The following HEMK2 variants were observed in gnomAD, a reference collection of about 807,000 sequenced individuals.
HEMK2 encodes HemK methyltransferase 2, ETF1 glutamine and histone H4 lysine.
At chr21:28,881,625 A>ATTT in the HEMK2 span, among the ~76,000 whole-genome samples, 16 of 100,794 alleles carry the variant, frequency 1.6e-4, no homozygotes, top group South Asian at 3.6e-4. Context: ...GAAGCCATCA[A>ATTT]TTTTTTTTTT....
the HEMK2 span, among the ~76,000 whole-genome samples, chr21:28,862,155 A>T: frequency 1.3e-5 from 2 of 152,212 alleles, no homozygotes; most frequent in Non-Finnish European, 2.9e-5. Context: ...ACAGGAGATT[A>T]ATTAGGGTGT....
the HEMK2 span, among the ~76,000 whole-genome samples, chr21:28,686,360 A>ACC: frequency 1.3e-5 from 2 of 151,770 alleles, no homozygotes; most frequent in Non-Finnish European, 2.9e-5. Flanking sequence ...TCAGCCTCCC[A>ACC]AGTAGCTGGG....
chr21:28,578,004 T>C, the HEMK2 span, among the ~76,000 whole-genome samples: 1 of 152,190 alleles, frequency 6.6e-6, no homozygotes, highest in Non-Finnish European at 1.5e-5. Context: ...TCAAAACAAA[T>C]CTGATTGTAT....
the HEMK2 span, among the ~76,000 whole-genome samples, chr21:28,707,987 G>A: frequency 1.6e-4 from 25 of 152,242 alleles, no homozygotes; most frequent in African/African-American, 4.8e-4. Context: ...TGAGATGATC[G>A]GTGTGAACTT....
At chr21:28,590,387 T>C in the HEMK2 span, among the ~76,000 whole-genome samples, 1 of 152,184 alleles carries the variant, frequency 6.6e-6, no homozygotes, top group South Asian at 2.1e-4. Context: ...AGTTCTATGC[T>C]GATAGTAATG....
At chr21:28,589,036 T>C in the HEMK2 span, among the ~76,000 whole-genome samples, 1 of 150,458 alleles carries the variant, frequency 6.6e-6, no homozygotes. Context: ...CAAATTACTA[T>C]CCCTAAGTGA....
the HEMK2 span, among the ~76,000 whole-genome samples, chr21:28,730,914 C>T: frequency 3.3e-5 from 5 of 152,176 alleles, no homozygotes; most frequent in Admixed American, 2.0e-4. Context: ...GGCAGCCCAC[C>T]GTGACAGACA....
chr21:28,619,307 C>G, the HEMK2 span, among the ~76,000 whole-genome samples: 1 of 152,178 alleles, frequency 6.6e-6, no homozygotes, highest in South Asian at 2.1e-4. Flanking sequence ...AAATTAGAGA[C>G]AGCTCATATA....
chr21:28,742,673 G>GA, the HEMK2 span, among the ~76,000 whole-genome samples: 1,650 of 143,106 alleles, frequency 0.012, 24 homozygotes, highest in African/African-American at 0.039. Context: ...TGCCCACTAA[G>GA]AAAAAAAAAA....
At chr21:28,825,447 C>T in the HEMK2 span, among the ~76,000 whole-genome samples, 1 of 152,174 alleles carries the variant, frequency 6.6e-6, no homozygotes, top group Non-Finnish European at 1.5e-5. Context: ...AGGGAGCTAG[C>T]AGGCCACATT....
At chr21:28,630,306 T>C in the HEMK2 span, among the ~76,000 whole-genome samples, 7 of 152,164 alleles carry the variant, frequency 4.6e-5, no homozygotes, top group Admixed American at 1.3e-4. Flanking sequence ...TGTGGAGAAA[T>C]AGGAACACTT....
the HEMK2 span, among the ~76,000 whole-genome samples, chr21:28,680,855 T>C: frequency 6.6e-6 from 1 of 152,160 alleles, no homozygotes; most frequent in Non-Finnish European, 1.5e-5. Flanking sequence ...TCAACAACCC[T>C]TCATGCTAAA....
the HEMK2 span, among the ~76,000 whole-genome samples, chr21:28,584,823 T>C: frequency 6.6e-6 from 1 of 150,600 alleles, no homozygotes; most frequent in African/African-American, 2.4e-5. Context: ...ACAACCGAGA[T>C]AGGAAGCAAA....
At chr21:28,852,419 A>G in the HEMK2 span, among the ~76,000 whole-genome samples, 1 of 152,192 alleles carries the variant, frequency 6.6e-6, no homozygotes. Flanking sequence ...CCTGACCTCC[A>G]TAAGCCCCTA....
chr21:28,750,302 C>T, the HEMK2 span, among the ~76,000 whole-genome samples: 7 of 152,284 alleles, frequency 4.6e-5, no homozygotes, highest in African/African-American at 1.7e-4. Context: ...TATTCTAAGA[C>T]CACAGTGTAG....
the HEMK2 span, among the ~76,000 whole-genome samples, chr21:28,701,375 T>G: frequency 1.3e-5 from 2 of 152,072 alleles, no homozygotes; most frequent in African/African-American, 4.8e-5. Context: ...GCAGATATGA[T>G]TCTATATACC....
chr21:28,760,052 A>G, the HEMK2 span, among the ~76,000 whole-genome samples: 1 of 129,092 alleles, frequency 7.7e-6, no homozygotes, highest in Admixed American at 7.4e-5. Flanking sequence ...CTTTCCTTAC[A>G]GTACAAAGTA....
the HEMK2 span, among the ~76,000 whole-genome samples, chr21:28,642,543 G>A: frequency 6.6e-6 from 1 of 152,236 alleles, no homozygotes; most frequent in Non-Finnish European, 1.5e-5. Flanking sequence ...GCTCAGTGGA[G>A]GGTTGGGGTG....
At chr21:28,884,519 C>A in the HEMK2 span, among the ~76,000 whole-genome samples, 1 of 152,198 alleles carries the variant, frequency 6.6e-6, no homozygotes, top group South Asian at 2.1e-4. Flanking sequence ...AGTATTCATT[C>A]CTTCTGCTAT....
Sources: gnomAD v4.1 joint callset for allele counts (sites outside exome capture counted in the v4.1 genomes callset) on GRCh38, gnomAD v4.1.1 for gene constraint, MANE v1.5 for transcripts, NCBI Gene and HGNC (gene_info 2026-07-23, HGNC 2026-07-21) for gene names.